Variants in SNX30 observed in about 807,000 individuals in gnomAD.
The protein encoded by SNX30 is sorting nexin family member 30.
In SNX30, 24 loss-of-function variants were observed where a neutral mutation model predicts 46.4. The ratio of observed to expected loss-of-function variants is 0.52; its 90% confidence interval spans 0.37 to 0.73. SNX30 has a LOEUF of 0.73. SNX30 is among the 30% of genes least tolerant of loss of function. SNX30 has a pLI of 0.00. For synonymous variants in SNX30, 189 were observed against 211.5 expected (o/e 0.89, Z 0.92); for missense variants, 533 against 555.7 (o/e 0.96, Z 0.41).
At chr9:112,819,633 C>A (rs543642968) in intron 3 of SNX30, among the ~76,000 whole-genome samples, 1 of 152,302 alleles carries the variant, frequency 6.6e-6, no homozygotes, top group Admixed American at 6.5e-5. Flanking sequence ...GTCATGTCTC[C>A]TTAGGCTCTT....
chr9:112,805,213 C>T (rs1840206857), intron 2 of SNX30, among the ~76,000 whole-genome samples: 1 of 29,506 alleles, frequency 3.4e-5, no homozygotes, highest in African/African-American at 2.0e-4. Flanking sequence ...AATCCCTATA[C>T]TTGCGCTTAT....
At chr9:112,756,342 A>G (rs1839348253) in intron 1 of SNX30, among the ~76,000 whole-genome samples, 1 of 151,052 alleles carries the variant, frequency 6.6e-6, no homozygotes, top group Admixed American at 6.6e-5. Flanking sequence ...TTCTGAAATC[A>G]TGTCCTCACC....
At chr9:112,776,961 C>T (rs1225619840) in intron 1 of SNX30, among the ~76,000 whole-genome samples, 1 of 152,122 alleles carries the variant, frequency 6.6e-6, no homozygotes, top group Non-Finnish European at 1.5e-5. Context: ...GTCCTTTGCT[C>T]ACCGCCCCCT....
At chr9:112,776,804 T>C (rs1166116520) in intron 1 of SNX30, among the ~76,000 whole-genome samples, 2 of 152,212 alleles carry the variant, frequency 1.3e-5, no homozygotes, top group Non-Finnish European at 2.9e-5. Context: ...GATGTGTGGC[T>C]GATAACAGGA....
Position 112,818,287 on chromosome 9 carries a change from C to T in SNX30, c.459+472C>T, listed in dbSNP as rs190766065. Among the ~76,000 whole-genome samples the T allele has an allele frequency of 4.6e-5, 7 of 151,152 alleles. No homozygotes were observed. The East Asian group carries it at 5.9e-4, about 13-fold the overall frequency. On this transcript the variant is annotated intron_variant, in intron 3 of 8. Coordinates refer to ENST00000374232, the MANE Select transcript of SNX30 (RefSeq NM_001012994.2). ...CATGATCGCAGCTCACTGCAACCTC[C>T]GACTCCCAGGTTCAAGTGGATCACC... is the stretch of plus-strand genomic sequence containing the variant.
intron 6 of SNX30, among the ~76,000 whole-genome samples, chr9:112,843,059 C>T (rs1840883786): frequency 6.6e-6 from 1 of 152,026 alleles, no homozygotes; most frequent in African/African-American, 2.4e-5. Flanking sequence ...TGAAAGAGGC[C>T]CTCTTGAAGT....
At chr9:112,817,285 C>G (rs12340944) in intron 2 of SNX30, among the ~76,000 whole-genome samples, 1 of 144,166 alleles carries the variant, frequency 6.9e-6, no homozygotes, top group East Asian at 2.2e-4. Context: ...TGGATTTTTT[C>G]TGCTAAAAGA....
At chr9:112,836,149 GTTTTATTTAGT>G in intron 4 of SNX30, 54 bp from the exon 5 acceptor site, 2 of 1,434,646 alleles carry the variant, frequency 1.4e-6, no homozygotes, top group Non-Finnish European at 1.9e-6. Context: ...TTTAGAAGCT[GTTTTATTTAGT>G]CCTGCCCATG....
intron 1 of SNX30, among the ~76,000 whole-genome samples, chr9:112,780,538 T>G (rs1372902281): frequency 6.6e-6 from 1 of 152,226 alleles, no homozygotes; most frequent in African/African-American, 2.4e-5. Flanking sequence ...TTTGCACTTC[T>G]GGAAGCTGTT....
At chr9:112,844,821 C>G (rs943799064) in intron 6 of SNX30, among the ~76,000 whole-genome samples, 1 of 152,152 alleles carries the variant, frequency 6.6e-6, no homozygotes, top group African/African-American at 2.4e-5. Flanking sequence ...AATTGTCAGG[C>G]GGTTTCTTCA....
At chr9:112,789,248 G>A (rs1483455885) in intron 1 of SNX30, among the ~76,000 whole-genome samples, 2 of 152,184 alleles carry the variant, frequency 1.3e-5, no homozygotes, top group African/African-American at 4.8e-5. Flanking sequence ...GAATTTTTGT[G>A]TTGGGGATCT....
intron 3 of SNX30, among the ~76,000 whole-genome samples, chr9:112,823,000 CTGTTT>C (rs71984108): frequency 0.81 from 122,360 of 151,498 alleles, 49,390 homozygotes; most frequent in South Asian, 0.86. Flanking sequence ...TATAATTGTT[CTGTTT>C]TATTATTGTG....
intron 8 of SNX30, among the ~76,000 whole-genome samples, chr9:112,865,557 C>T (rs1379993575): frequency 6.7e-6 from 1 of 148,212 alleles, no homozygotes; most frequent in Non-Finnish European, 1.5e-5. Flanking sequence ...TTCAAGGCTA[C>T]AGTGAGTCAT....
Position 112,873,130 on chromosome 9 carries a change from T to A in SNX30, c.*4287T>A, listed in dbSNP as rs1841472863. On this transcript the variant is annotated 3_prime_UTR_variant, in exon 9 of 9. Transcript: ENST00000374232. Reference sequence around the variant, plus strand: ...AGGGGATTAGACTGTTCTTTCTTCATCATAATTTGAGATACATCCTGAGTA... The same window carrying A: ...AGGGGATTAGACTGTTCTTTCTTCAACATAATTTGAGATACATCCTGAGTA... 1 of 152,216 alleles carries A rather than the reference T, an allele frequency of 6.6e-6. No individual in the cohort carries two copies. The highest frequency in any genetic ancestry group is 1.5e-5 in the Non-Finnish European group (1 of 68,058). 9.4% of individuals were successfully genotyped at this position (152,216 alleles called of 1,614,324 possible). A position where few individuals can be genotyped will look rare whatever the true frequency, so the allele number is the denominator to read the frequency against.
At chr9:112,796,686 T>C (rs1377121661) in intron 1 of SNX30, among the ~76,000 whole-genome samples, 1 of 152,156 alleles carries the variant, frequency 6.6e-6, no homozygotes, top group Admixed American at 6.5e-5. Context: ...TGCGTAGGTA[T>C]GTGATTAAAT....
chr9:112,831,998 T>C (rs1192687488), intron 4 of SNX30, among the ~76,000 whole-genome samples: 2 of 152,218 alleles, frequency 1.3e-5, no homozygotes, highest in East Asian at 3.8e-4. Flanking sequence ...TTTTCAAATC[T>C]GCAAAATTGG....
At chr9:112,865,978 A>G (rs566321419) in intron 8 of SNX30, among the ~76,000 whole-genome samples, 71 of 152,014 alleles carry the variant, frequency 4.7e-4, no homozygotes, top group South Asian at 1.2e-3. Context: ...AGCGTTCCTA[A>G]AGTCCTGGTC....
At chr9:112,852,415 A>G (rs1374332138) in intron 7 of SNX30, among the ~76,000 whole-genome samples, 1 of 152,152 alleles carries the variant, frequency 6.6e-6, no homozygotes, top group Non-Finnish European at 1.5e-5. Flanking sequence ...GTTATATGTA[A>G]ACACTACATG....
chr9:112,818,125 T>C (rs909674605), intron 3 of SNX30, among the ~76,000 whole-genome samples: 1 of 151,894 alleles, frequency 6.6e-6, no homozygotes, highest in African/African-American at 2.4e-5. Flanking sequence ...TGAAGCAACG[T>C]GACATTTATC....
Sources: gnomAD v4.1 joint callset for allele counts (sites outside exome capture counted in the v4.1 genomes callset) on GRCh38, gnomAD v4.1.1 for gene constraint, MANE v1.5 for transcripts, NCBI Gene and HGNC (gene_info 2026-07-23, HGNC 2026-07-21) for gene names.